The following ZNF609 variants were observed in gnomAD, a reference collection of about 807,000 sequenced individuals.
ZNF609 encodes zinc finger protein 609.
In ZNF609, 11 loss-of-function variants were observed where a neutral mutation model predicts 109.5. That is an observed-to-expected ratio of 0.10 (90% confidence interval 0.06 to 0.17). The LOEUF is 0.17. Among genes scored for constraint, ZNF609 ranks in the 10% least tolerant of loss-of-function variants. ZNF609 has a pLI of 1.00. For missense variants in ZNF609, 1,559 were observed against 1,772.4 expected (o/e 0.88, Z 2.16); for synonymous variants, 646 against 662.0 (o/e 0.98, Z 0.37).
chr15:64,667,732 A>G (rs1053142730), intron 3 of ZNF609, among the ~76,000 whole-genome samples: 13 of 152,132 alleles, frequency 8.5e-5, no homozygotes, highest in African/African-American at 2.9e-4. Context: ...AGAAAAAGAA[A>G]AAGAAACACA....
chr15:64,498,587 T>G (rs1053013561), intron 1 of ZNF609, among the ~76,000 whole-genome samples: 1 of 152,222 alleles, frequency 6.6e-6, no homozygotes, highest in African/African-American at 2.4e-5. Context: ...AAGGCCACTT[T>G]GAATCCTGCT....
chr15:64,600,478 AC>A, intron 2 of ZNF609, among the ~76,000 whole-genome samples: 1 of 149,440 alleles, frequency 6.7e-6, no homozygotes, highest in South Asian at 2.2e-4. Context: ...AAAAAAAAAA[AC>A]AGAAAAATTA....
chr15:64,543,726 A>C (rs141023950), intron 2 of ZNF609, among the ~76,000 whole-genome samples: 3 of 152,250 alleles, frequency 2.0e-5, no homozygotes, highest in African/African-American at 7.2e-5. Flanking sequence ...TTACAGGCGT[A>C]AGCCACCACG....
intron 2 of ZNF609, among the ~76,000 whole-genome samples, chr15:64,515,192 C>T (rs1405783072): frequency 1.3e-5 from 2 of 152,138 alleles, no homozygotes; most frequent in Admixed American, 6.5e-5. Context: ...ACTGTACTAC[C>T]TTTGACAGTG....
chr15:64,666,800 C>G (rs1325496165), intron 3 of ZNF609, among the ~76,000 whole-genome samples: 2 of 151,742 alleles, frequency 1.3e-5, no homozygotes, highest in African/African-American at 4.8e-5. Flanking sequence ...CAGGCATGAG[C>G]CACCGCACCC....
chr15:64,539,750 C>G (rs1208972417), intron 2 of ZNF609, among the ~76,000 whole-genome samples: 2 of 152,110 alleles, frequency 1.3e-5, no homozygotes, highest in Admixed American at 6.6e-5. Flanking sequence ...GCCTCAGTCT[C>G]CCAAAGTGCT....
chr15:64,664,995 A>G (rs1252985738), intron 3 of ZNF609, among the ~76,000 whole-genome samples: 1 of 152,238 alleles, frequency 6.6e-6, no homozygotes, highest in Non-Finnish European at 1.5e-5. Context: ...CCTTCTCTAT[A>G]AATGGACTCT....
At chr15:64,495,646 CCCACCTGGGCCTCCAGGTGGAG>C (rs1385497567) in intron 1 of ZNF609, among the ~76,000 whole-genome samples, 1 of 151,980 alleles carries the variant, frequency 6.6e-6, no homozygotes, top group Non-Finnish European at 1.5e-5. Flanking sequence ...AAGCGATCCA[CCCACCTGGGCCTCCAGGTGGAG>C]GCCCAGAAGT....
intron 5 of ZNF609, among the ~76,000 whole-genome samples, chr15:64,677,409 G>T (rs1896824461): frequency 6.6e-6 from 1 of 152,162 alleles, no homozygotes; most frequent in Non-Finnish European, 1.5e-5. Context: ...GAAAGGCCCA[G>T]ACAAGTTAGC....
Position 64,577,018 on chromosome 15 carries a change from A to G in ZNF609, c.748-45809A>G, listed in dbSNP as rs1894978179. The stretch of plus-strand genomic sequence containing the variant: ...CATAAATATATATATGTATGTATAC[A>G]CATAAATATATATATGTATATATAC... On this transcript the variant is annotated intron_variant, in intron 2 of 9. Transcript: ENST00000326648. Among the ~76,000 whole-genome samples the G allele has an allele frequency of 2.4e-5, 3 of 126,086 alleles. No homozygotes were observed. In the South Asian group the frequency reaches 6.8e-4, roughly 29 times the overall value. 82.7% of individuals were successfully genotyped at this position (126,086 alleles called of 152,430 possible).
intron 3 of ZNF609, among the ~76,000 whole-genome samples, chr15:64,624,973 T>G (rs1895931218): frequency 6.6e-6 from 1 of 152,094 alleles, no homozygotes. Context: ...CTGGCCACGC[T>G]GGTCTTGAAC....
intron 2 of ZNF609, among the ~76,000 whole-genome samples, chr15:64,548,847 A>G (rs1375862253): frequency 6.6e-6 from 1 of 152,238 alleles, no homozygotes; most frequent in Non-Finnish European, 1.5e-5. Context: ...ATATATGTCA[A>G]AACAACCTAC....
At chr15:64,465,633 G>A (rs987777865) in intron 1 of ZNF609, among the ~76,000 whole-genome samples, 3 of 151,682 alleles carry the variant, frequency 2.0e-5, no homozygotes, top group Admixed American at 1.3e-4. Context: ...CACCCACCTC[G>A]GCCTCCCAAA....
At chr15:64,468,166 G>A (rs903881473) in intron 1 of ZNF609, among the ~76,000 whole-genome samples, 2 of 151,686 alleles carry the variant, frequency 1.3e-5, no homozygotes, top group African/African-American at 4.8e-5. Flanking sequence ...ACAGGCAGGC[G>A]CCACCACACC....
chr15:64,511,481 CAA>C (rs796464007), intron 2 of ZNF609, among the ~76,000 whole-genome samples: 32 of 65,118 alleles, frequency 4.9e-4, no homozygotes, highest in Admixed American at 7.3e-4. Context: ...AACTTTGTCT[CAA>C]AAAAAAAAAA....
In ZNF609 at chr15:64,672,363, G is replaced by T. The variant is rs999733369; in HGVS notation, c.1062-1553G>T. ...ATTCAGGCTGGGTGCGGTGGCTAAC[G>T]CCTGTAATCCCAGCACTTTGGGAGG... On this transcript the variant is annotated intron_variant, in intron 4 of 9. Transcript: ENST00000326648. 7.3e-5 allele frequency among the ~76,000 whole-genome samples: 11 copies of T among 150,240 alleles called. No homozygotes were observed. In the South Asian group the frequency reaches 2.3e-3, roughly 32 times the overall value.
rs1896789396 is a variant in ZNF609 at position 64,675,078 on chromosome 15, G to A, written c.2224G>A (p.Glu742Lys). ...AAAGAAGGAATCTTCAAAGGAACTT[G>A]AAAGTCCTCTGACCCCTGGGAAGGT... ...KKKKESSKEL[E>K]SPLTPGKVCR... Residue 742 changes from glutamate to lysine, a missense_variant, in exon 5 of 10, where the codon GAA becomes AAA. Glu to Lys is a moderately conservative substitution (Grantham distance 56, BLOSUM62 1). Transcript: ENST00000326648. 6.2e-7 allele frequency: 1 copy of A among 1,614,060 alleles called. No individual in the cohort carries two copies. Among genetic ancestry groups the A allele is most frequent in the Non-Finnish European group, 8.5e-7 (1 of 1,180,046 alleles).
intron 2 of ZNF609, among the ~76,000 whole-genome samples, chr15:64,612,050 T>G (rs1895724267): frequency 6.6e-6 from 1 of 150,836 alleles, no homozygotes; most frequent in African/African-American, 2.4e-5. Flanking sequence ...TTGCATTTTC[T>G]AGTGCACAAT....
chr15:64,621,168 T>A (rs1895869964), intron 2 of ZNF609, among the ~76,000 whole-genome samples: 1 of 152,242 alleles, frequency 6.6e-6, no homozygotes, highest in Non-Finnish European at 1.5e-5. Flanking sequence ...CTAGGTCTGC[T>A]GATTAGTATC....
Sources: allele counts gnomAD v4.1 joint callset (sites outside exome capture counted in the v4.1 genomes callset), GRCh38; gene constraint gnomAD v4.1.1; transcripts MANE v1.5; gene names NCBI Gene and HGNC (gene_info 2026-07-23, HGNC 2026-07-21).